Variants in SLIT3 observed in about 807,000 individuals in gnomAD.
The protein encoded by SLIT3 is slit homolog 3 protein.
Under a neutral mutation model 184.0 loss-of-function variants are expected in SLIT3, and 68 were observed. The observed-to-expected ratio is 0.37, with a 90% CI of 0.30 to 0.45. The LOEUF (loss-of-function observed/expected upper bound fraction) is 0.45, where lower values mean the gene tolerates loss of function less well. SLIT3 is among the 20% of genes least tolerant of loss of function. The pLI, the probability that SLIT3 is intolerant of heterozygous loss-of-function variation, is 1.00. For synonymous variants in SLIT3, 831 were observed against 828.6 expected (o/e 1.00, Z -0.05); for missense variants, 1,707 against 2,026.0 (o/e 0.84, Z 3.02).
intron 4 of SLIT3, among the ~76,000 whole-genome samples, chr5:169,056,201 G>A (rs757799834): frequency 6.6e-6 from 1 of 152,124 alleles, no homozygotes; most frequent in African/African-American, 2.4e-5. Flanking sequence ...AGTAGGTTTG[G>A]AACCTTTGCT....
intron 23 of SLIT3, chr5:168,720,669 A>G (rs940072845): frequency 1.3e-5 from 2 of 152,214 alleles, no homozygotes; most frequent in African/African-American, 4.8e-5. Context: ...AAACAGGGAA[A>G]TGGTTGTGCT....
intron 10 of SLIT3, among the ~76,000 whole-genome samples, chr5:168,793,184 A>G (rs1408741429): frequency 6.6e-6 from 1 of 152,206 alleles, no homozygotes; most frequent in Non-Finnish European, 1.5e-5. Context: ...ACCACTAGGA[A>G]TAGGCAGAGA....
rs537565661 is a variant in SLIT3, at chr5:169,054,723, C to T, written c.413+138756G>A. ...CCTTTACCCCAGGCATGCGGAACGA[C>T]GTCTGCCAGCCTCTCTTGGGCTCTG... On this transcript the variant is annotated intron_variant, in intron 4 of 35. Coordinates refer to ENST00000519560, the MANE Select transcript of SLIT3 (RefSeq NM_003062.4). 1.1e-4 allele frequency among the ~76,000 whole-genome samples: 16 copies of T among 152,350 alleles called. No individual in the cohort carries two copies. The South Asian group carries it at 1.2e-3, about 12-fold the overall frequency.
chr5:169,000,583 A>G (rs114893149), intron 4 of SLIT3, among the ~76,000 whole-genome samples: 1,610 of 152,270 alleles, frequency 0.011, 39 homozygotes, highest in African/African-American at 0.036. Context: ...AAAATTTTAC[A>G]TAAGAACTCA....
intron 4 of SLIT3, among the ~76,000 whole-genome samples, chr5:168,895,190 T>G (rs751220627): frequency 1.3e-5 from 2 of 152,096 alleles, no homozygotes; most frequent in Non-Finnish European, 2.9e-5. Context: ...GAAGAAAGGA[T>G]TCTTGGAACA....
intron 4 of SLIT3, among the ~76,000 whole-genome samples, chr5:169,089,237 C>T (rs1469389930): frequency 6.6e-6 from 1 of 152,114 alleles, no homozygotes; most frequent in East Asian, 1.9e-4. Flanking sequence ...TGTCATCCAC[C>T]ACTGTGTGTA....
At chr5:169,193,033 A>T (rs976195811) in intron 4 of SLIT3, among the ~76,000 whole-genome samples, 1 of 152,220 alleles carries the variant, frequency 6.6e-6, no homozygotes, top group Non-Finnish European at 1.5e-5. Flanking sequence ...TGGCAGCGCT[A>T]GGAAGTGGGA....
chr5:169,243,437 A>G (rs1452181027), intron 3 of SLIT3, among the ~76,000 whole-genome samples: 1 of 152,252 alleles, frequency 6.6e-6, no homozygotes, highest in Admixed American at 6.5e-5. Flanking sequence ...CATTCTTTTT[A>G]TAATTATTTT....
intron 28 of SLIT3, among the ~76,000 whole-genome samples, chr5:168,695,906 T>C (rs1762050111): frequency 6.6e-6 from 1 of 152,184 alleles, no homozygotes; most frequent in South Asian, 2.1e-4. Flanking sequence ...CCTAGCTAAG[T>C]GTCTGGAAAA....
chr5:168,807,476 A>G (rs537196649), intron 8 of SLIT3, among the ~76,000 whole-genome samples: 6 of 152,234 alleles, frequency 3.9e-5, no homozygotes, highest in Non-Finnish European at 7.3e-5. Context: ...ACTCTTAATC[A>G]TATGGTTAGC....
chr5:168,871,312 T>C (rs1248890832), intron 5 of SLIT3, among the ~76,000 whole-genome samples: 1 of 152,240 alleles, frequency 6.6e-6, no homozygotes, highest in Admixed American at 6.5e-5. Flanking sequence ...CTTTTTGCTA[T>C]GTGGAGTACA....
At chr5:168,773,079 AG>A (rs751512332) in intron 13 of SLIT3, 135 bp from the exon 14 acceptor site, 47 of 868,070 alleles carry the variant, frequency 5.4e-5, no homozygotes, top group Non-Finnish European at 7.4e-5. Context: ...AGGAAGCCTT[AG>A]GGGGTGCTAC....
intron 4 of SLIT3, among the ~76,000 whole-genome samples, chr5:168,968,148 C>T (rs1424354428): frequency 6.6e-6 from 1 of 152,128 alleles, no homozygotes; most frequent in Admixed American, 6.5e-5. Context: ...TCTCTCCAGT[C>T]ATCTCCCCCT....
chr5:169,068,459 C>A (rs978233488), intron 4 of SLIT3, among the ~76,000 whole-genome samples: 4 of 152,068 alleles, frequency 2.6e-5, no homozygotes, highest in African/African-American at 9.7e-5. Context: ...TAAGACGAAG[C>A]CTGGGGCCAA....
At position 168,952,962 on chromosome 5, in the gene SLIT3, G is replaced by C. The variant is rs1762709159; in HGVS notation, c.414-69626C>G. On this transcript the variant is annotated intron_variant, in intron 4 of 35. Coordinates refer to ENST00000519560, the MANE Select transcript of SLIT3 (RefSeq NM_003062.4). ...CCAAGAACACACATCAGGGGTGAAG[G>C]GGGTTCTGGCTAAAGCCACCTAACA... 4.6e-5 allele frequency among the ~76,000 whole-genome samples: 7 copies of C among 152,298 alleles called. 1 individual carries two copies. In the South Asian group the frequency reaches 1.5e-3, roughly 32 times the overall value.
chr5:168,786,946 A>G (rs1423623515), intron 11 of SLIT3, among the ~76,000 whole-genome samples: 1 of 152,128 alleles, frequency 6.6e-6, no homozygotes, highest in African/African-American at 2.4e-5. Flanking sequence ...AGTGCACTGA[A>G]TGCATGCAAT....
intron 4 of SLIT3, among the ~76,000 whole-genome samples, chr5:169,088,198 T>A (rs142016009): frequency 6.6e-6 from 1 of 152,196 alleles, no homozygotes; most frequent in South Asian, 2.1e-4. Flanking sequence ...CTCTATCTCC[T>A]GCAGTGTGTC....
intron 24 of SLIT3, 116 bp downstream of exon 24, chr5:168,712,167 T>C: frequency 1.2e-6 from 1 of 843,514 alleles, no homozygotes; most frequent in East Asian, 2.4e-5. Context: ...TTGTATAATA[T>C]ACTGTATGCA....
chr5:169,171,495 A>G (rs1010513587), intron 4 of SLIT3, among the ~76,000 whole-genome samples: 3 of 152,338 alleles, frequency 2.0e-5, no homozygotes, highest in South Asian at 2.1e-4. Flanking sequence ...CAAATATCCA[A>G]CAGCAAGATT....
Sources: gnomAD v4.1 joint callset for allele counts (sites outside exome capture counted in the v4.1 genomes callset) on GRCh38, gnomAD v4.1.1 for gene constraint, MANE v1.5 for transcripts, NCBI Gene and HGNC (gene_info 2026-07-23, HGNC 2026-07-21) for gene names.